RIPOR2: variants seen among roughly 807,000 people sequenced by gnomAD.
RIPOR2 encodes RHO family interacting cell polarization regulator 2.
In RIPOR2, 39 loss-of-function variants were observed where a neutral mutation model predicts 114.5. That is an observed-to-expected ratio of 0.34 (90% CI 0.26 to 0.44). The LOEUF is 0.44. Among genes scored for constraint, RIPOR2 ranks in the 20% least tolerant of loss-of-function variants. The pLI, the probability that RIPOR2 is intolerant of heterozygous loss-of-function variation, is 1.00. For synonymous variants in RIPOR2, 445 were observed against 484.4 expected (o/e 0.92, Z 1.07); for missense variants, 1,007 against 1,255.1 (o/e 0.80, Z 2.99).
intron 1 of RIPOR2, among the ~76,000 whole-genome samples, chr6:25,022,568 T>TTTTTTTTTTTTTTTTTTTTG (rs1776384246): frequency 9.8e-6 from 1 of 102,248 alleles, no homozygotes; most frequent in Non-Finnish European, 1.9e-5. Context: ...TTTTTTTTTT[T>TTTTTTTTTTTTTTTTTTTTG]AGACAGGTTC....
At chr6:24,915,751 C>T (rs1770027917) in intron 1 of RIPOR2, among the ~76,000 whole-genome samples, 1 of 152,166 alleles carries the variant, frequency 6.6e-6, no homozygotes. Flanking sequence ...TTTTAGGTCC[C>T]CCTCCTTACA....
intron 1 of RIPOR2, among the ~76,000 whole-genome samples, chr6:24,955,049 T>TAA (rs1184316633): frequency 2.0e-5 from 3 of 152,036 alleles, no homozygotes; most frequent in African/African-American, 7.3e-5. Flanking sequence ...TAGATGTGCT[T>TAA]AGAGGAAAGG....
intron 1 of RIPOR2, among the ~76,000 whole-genome samples, chr6:25,019,790 AAAAAAAAAG>A (rs1776219206): frequency 6.7e-6 from 1 of 149,856 alleles, no homozygotes. Flanking sequence ...AAAAAAAAAA[AAAAAAAAAG>A]AAAAGAAAGA....
At chr6:24,886,283 C>T (rs888151472) in intron 1 of RIPOR2, among the ~76,000 whole-genome samples, 8 of 152,124 alleles carry the variant, frequency 5.3e-5, no homozygotes, top group African/African-American at 9.6e-5. Context: ...CCTAAAATCA[C>T]GGACATTTGC....
intron 1 of RIPOR2, among the ~76,000 whole-genome samples, chr6:24,963,478 A>C (rs995248480): frequency 6.6e-6 from 1 of 152,228 alleles, no homozygotes; most frequent in Non-Finnish European, 1.5e-5. Context: ...CCTAAGAACA[A>C]GTGTAAAATA....
intron 1 of RIPOR2, among the ~76,000 whole-genome samples, chr6:24,997,541 G>A (rs1775100820): frequency 6.6e-6 from 1 of 152,132 alleles, no homozygotes; most frequent in Admixed American, 6.5e-5. Context: ...TCTTGATTGT[G>A]GGAGGCTGTC....
intron 1 of RIPOR2, among the ~76,000 whole-genome samples, chr6:24,927,234 C>CACT (rs1770982167): frequency 0.016 from 8 of 506 alleles, 2 homozygotes; most frequent in African/African-American, 0.029. Context: ...CCAGCACCAC[C>CACT]ACAACTACAA....
chr6:25,011,674 C>T (rs143278750), intron 1 of RIPOR2, among the ~76,000 whole-genome samples: 77 of 152,286 alleles, frequency 5.1e-4, no homozygotes, highest in African/African-American at 1.8e-3. Flanking sequence ...GAAGCAAGTT[C>T]TTAACTACTA....
At chr6:24,832,891 G>C (rs1276590400) in intron 15 of RIPOR2, among the ~76,000 whole-genome samples, 1 of 152,186 alleles carries the variant, frequency 6.6e-6, no homozygotes, top group Non-Finnish European at 1.5e-5. Context: ...CTATGTGCCA[G>C]GCACTGGTCT....
intron 1 of RIPOR2, chr6:24,898,489 A>G (rs1223041158): frequency 2.0e-5 from 3 of 152,222 alleles, no homozygotes. Flanking sequence ...AAAAAGGGCA[A>G]TTGAGAGCCA....
In RIPOR2 at chr6:24,967,018, G is replaced by A. The variant is rs367710375; in HGVS notation, c.76+74833C>T. Among the ~76,000 whole-genome samples the A allele has an allele frequency of 4.8e-4, 73 of 152,250 alleles. No homozygotes were observed. The South Asian group carries it at 0.011, about 23-fold the overall frequency. On this transcript the variant is annotated intron_variant, in intron 1 of 13. Transcript: ENST00000510784. ...AATATCCTGGAGGCAGTGCGGACACGGACAGAATGTCTTCCCCCTACTTGG... is the reference window on the plus strand; with the variant it reads ...AATATCCTGGAGGCAGTGCGGACACAGACAGAATGTCTTCCCCCTACTTGG...
chr6:24,859,125 G>C (rs955829513), intron 8 of RIPOR2, among the ~76,000 whole-genome samples: 1 of 152,122 alleles, frequency 6.6e-6, no homozygotes, highest in African/African-American at 2.4e-5. Flanking sequence ...TGTGACTCCT[G>C]GGACAAGTCA....
At chr6:25,012,110 G>A (rs1352151900) in intron 1 of RIPOR2, among the ~76,000 whole-genome samples, 1 of 152,100 alleles carries the variant, frequency 6.6e-6, no homozygotes, top group Non-Finnish European at 1.5e-5. Flanking sequence ...ATATGCAAAT[G>A]GCTAATAATC....
At chr6:24,835,902 C>T in intron 14 of RIPOR2, 31 bp from the exon 15 acceptor site, 1 of 1,549,144 alleles carries the variant, frequency 6.5e-7, no homozygotes, top group Non-Finnish European at 8.7e-7. Flanking sequence ...ATTAGCTATT[C>T]TTTTTCTGTG....
chr6:24,982,816 G>T (rs1024445424), intron 1 of RIPOR2, among the ~76,000 whole-genome samples: 14 of 152,298 alleles, frequency 9.2e-5, no homozygotes, highest in Admixed American at 9.2e-4. Flanking sequence ...CTGGCCCAGA[G>T]AGACAGGAGT....
chr6:24,846,136 A>T (rs1204370987), intron 12 of RIPOR2, among the ~76,000 whole-genome samples: 1 of 152,156 alleles, frequency 6.6e-6, no homozygotes, highest in East Asian at 1.9e-4. Context: ...AACCTGTAGC[A>T]CATGAACATA....
intron 13 of RIPOR2, 36 bp from the exon 14 acceptor site, chr6:24,839,308 A>G: frequency 6.6e-7 from 1 of 1,523,398 alleles, no homozygotes; most frequent in Non-Finnish European, 8.8e-7. Context: ...GAACATCAAC[A>G]TATCCGGAAA....
chr6:24,932,314 CTGTGTGTG>C (rs58590259), intron 1 of RIPOR2, among the ~76,000 whole-genome samples: 5 of 149,090 alleles, frequency 3.4e-5, no homozygotes, highest in East Asian at 2.0e-4. Context: ...AAACTTAAGA[CTGTGTGTG>C]TGTGTGTGTG....
At chr6:24,981,997 C>T (rs751681580) in intron 1 of RIPOR2, among the ~76,000 whole-genome samples, 1 of 152,224 alleles carries the variant, frequency 6.6e-6, no homozygotes, top group Non-Finnish European at 1.5e-5. Context: ...TGAGCTGGGC[C>T]TCCCCTCAAC....
Sources: gnomAD v4.1 joint callset for allele counts (sites outside exome capture counted in the v4.1 genomes callset) on GRCh38, gnomAD v4.1.1 for gene constraint, MANE v1.5 for transcripts, NCBI Gene and HGNC (gene_info 2026-07-23, HGNC 2026-07-21) for gene names.